DLC1: variants seen among roughly 807,000 people sequenced by gnomAD.
DLC1 encodes the protein DLC1 Rho GTPase activating protein.
DLC1 carries 54 observed loss-of-function variants against 140.3 expected under a neutral mutation model. The ratio of observed to expected loss-of-function variants is 0.38; its 90% CI spans 0.31 to 0.48. DLC1 has a LOEUF of 0.48. Ranked by LOEUF, DLC1 falls within the 20% of genes least tolerant of loss-of-function variation. The pLI, the probability that DLC1 is intolerant of heterozygous loss-of-function variation, is 0.96. For missense variants in DLC1, 2,536 were observed against 1,907.0 expected (o/e 1.33, Z -6.14); for synonymous variants, 986 against 728.1 (o/e 1.35, Z -5.70).
intron 1 of DLC1, among the ~76,000 whole-genome samples, chr8:13,546,749 C>T (rs564036915): frequency 1.3e-5 from 2 of 152,254 alleles, no homozygotes; most frequent in Admixed American, 6.5e-5. Context: ...TAGTAAATGG[C>T]TCTAAGCATT....
chr8:13,586,261 C>T (rs1299164546), intron 1 of DLC1, among the ~76,000 whole-genome samples: 1 of 151,986 alleles, frequency 6.6e-6, no homozygotes, highest in Non-Finnish European at 1.5e-5. Context: ...GTTTCATTAA[C>T]CAAGACAGAG....
At chr8:13,537,808 C>A (rs1217212243) in intron 1 of DLC1, among the ~76,000 whole-genome samples, 3 of 151,974 alleles carry the variant, frequency 2.0e-5, no homozygotes, top group Non-Finnish European at 4.4e-5. Flanking sequence ...CGCCCGCCAC[C>A]ATGCCCGCCT....
intron 15 of DLC1, among the ~76,000 whole-genome samples, chr8:13,089,622 C>G (rs1817877299): frequency 6.6e-6 from 1 of 152,172 alleles, no homozygotes; most frequent in Admixed American, 6.5e-5. Flanking sequence ...AAGACTCCAT[C>G]TCAAAAAATA....
intron 4 of DLC1, among the ~76,000 whole-genome samples, chr8:13,310,872 T>A (rs1348552684): frequency 2.0e-5 from 3 of 152,224 alleles, no homozygotes; most frequent in Non-Finnish European, 4.4e-5. Flanking sequence ...ATCATTCATT[T>A]GTGTTTCCCA....
intron 2 of DLC1, among the ~76,000 whole-genome samples, chr8:13,409,386 T>C (rs1837693012): frequency 6.6e-6 from 1 of 152,174 alleles, no homozygotes; most frequent in Admixed American, 6.6e-5. Context: ...CTCTCAAATA[T>C]GTCATCCTCT....
At chr8:13,579,461 ATACAT>A (rs1443610840) in intron 1 of DLC1, among the ~76,000 whole-genome samples, 1,463 of 56,638 alleles carry the variant, frequency 0.026, 269 homozygotes, top group Non-Finnish European at 0.034. Flanking sequence ...TATATATTTA[ATACAT>A]TATATTTTAT....
chr8:13,537,193 C>T (rs2117320900), intron 1 of DLC1, among the ~76,000 whole-genome samples: 1 of 152,072 alleles, frequency 6.6e-6, no homozygotes, highest in Non-Finnish European at 1.5e-5. Flanking sequence ...TACTTGTTTT[C>T]AGATCAAGAA....
chr8:13,189,439 T>C (rs1331628403), intron 5 of DLC1, among the ~76,000 whole-genome samples: 3 of 151,438 alleles, frequency 2.0e-5, no homozygotes, highest in Non-Finnish European at 1.5e-5. Context: ...GATCATGCCA[T>C]TGCACTCCAC....
intron 5 of DLC1, among the ~76,000 whole-genome samples, chr8:13,144,934 G>C (rs1377157962): frequency 6.6e-6 from 1 of 152,140 alleles, no homozygotes; most frequent in African/African-American, 2.4e-5. Context: ...GATTGCTATT[G>C]TTTTAAGCCA....
At chr8:13,135,110 T>C (rs992026306) in intron 5 of DLC1, among the ~76,000 whole-genome samples, 13 of 151,954 alleles carry the variant, frequency 8.6e-5, no homozygotes, top group African/African-American at 3.1e-4. Flanking sequence ...GGAGTGTGAT[T>C]CAACGGGAGG....
chr8:13,368,525 T>A (rs772133544), intron 4 of DLC1, among the ~76,000 whole-genome samples: 71 of 117,984 alleles, frequency 6.0e-4, no homozygotes, highest in Non-Finnish European at 1.0e-3. Context: ...GGCAGTTAAA[T>A]TTTTTTTTTT....
intron 7 of DLC1, among the ~76,000 whole-genome samples, chr8:13,105,728 C>A (rs1819511272): frequency 6.6e-6 from 1 of 151,984 alleles, no homozygotes; most frequent in African/African-American, 2.4e-5. Context: ...CAGGTGCCCG[C>A]CACCAGGCCC....
chr8:13,350,762 T>C (rs1422960926), intron 4 of DLC1, among the ~76,000 whole-genome samples: 1 of 152,082 alleles, frequency 6.6e-6, no homozygotes, highest in Non-Finnish European at 1.5e-5. Flanking sequence ...CCAGAAGGTT[T>C]GTTTCTAAAT....
At position 13,099,585 on chromosome 8, in the gene DLC1, G is replaced by A. The variant is rs1818814275; in HGVS notation, c.2752C>T (p.Arg918Trp). ...DILYHVKGMQ[R>W]IVNQWSEKFS... ...TTCTCCGACCACTGATTGACTATCC[G>A]CTGCATCCCCTTCACGTGGTAGAGG... The change falls in exon 9 of 18, where the codon CGG (arginine) becomes TGG (tryptophan). Residue 918 changes from arginine (R) to tryptophan (W), a missense_variant. Physicochemically the swap from Arg to Trp is moderately radical, Grantham distance 101. Coordinates refer to ENST00000276297, the MANE Select transcript of DLC1 (RefSeq NM_182643.3). The A allele has an allele frequency of 6.2e-7, 1 of 1,614,064 alleles. No individual in the cohort carries two copies. The highest frequency in any genetic ancestry group is 1.7e-5 in the Admixed American group (1 of 60,000).
intron 1 of DLC1, among the ~76,000 whole-genome samples, chr8:13,527,925 C>T (rs191920858): frequency 5.3e-4 from 81 of 152,134 alleles, no homozygotes; most frequent in Middle Eastern, 3.4e-3. Flanking sequence ...CCAGTTTTAA[C>T]GCTATAAACC....
chr8:13,100,287 G>T lies in DLC1; in HGVS notation c.2050C>A (p.His684Asn). Residue 684 changes from histidine to asparagine, a missense_variant, in exon 9 of 18, where the codon CAC (histidine) becomes AAC (asparagine). By Grantham distance (68) the His-to-Asn change is moderately conservative. Transcript: ENST00000276297. ...LKLKSSHHSKHKAPSKLGLII... is the reference protein window; with the variant it reads ...LKLKSSHHSKNKAPSKLGLII... Reference sequence around the variant, plus strand: ...AACCCCAGCTTTGAGGGCGCTTTGTGCTTGCTGTGATGGGAGCTCTTGAGC... The same window carrying T: ...AACCCCAGCTTTGAGGGCGCTTTGTTCTTGCTGTGATGGGAGCTCTTGAGC... 1 of 1,614,116 alleles carries T rather than the reference G, an allele frequency of 6.2e-7. No homozygotes were observed. Among genetic ancestry groups the T allele is most frequent in the Non-Finnish European group, 8.5e-7 (1 of 1,180,034 alleles).
chr8:13,278,024 T>C (rs1481309511), intron 5 of DLC1, among the ~76,000 whole-genome samples: 1 of 152,240 alleles, frequency 6.6e-6, no homozygotes, highest in Non-Finnish European at 1.5e-5. Context: ...TAACTAACAT[T>C]AGTACCAATG....
At chr8:13,379,227 T>C (rs1021279441) in intron 4 of DLC1, among the ~76,000 whole-genome samples, 4 of 152,210 alleles carry the variant, frequency 2.6e-5, no homozygotes, top group Admixed American at 2.6e-4. Flanking sequence ...TTTGTTCTTT[T>C]TACTTGCCTG....
intron 5 of DLC1, among the ~76,000 whole-genome samples, chr8:13,158,248 G>A (rs370747836): frequency 1.3e-5 from 2 of 152,250 alleles, no homozygotes; most frequent in East Asian, 1.9e-4. Flanking sequence ...TTTGTTAAGT[G>A]TACACTTATT....
Sources: allele counts gnomAD v4.1 joint callset (sites outside exome capture counted in the v4.1 genomes callset), GRCh38; gene constraint gnomAD v4.1.1; transcripts MANE v1.5; gene names NCBI Gene and HGNC (gene_info 2026-07-23, HGNC 2026-07-21).